SERINC5: variants seen among roughly 807,000 people sequenced by gnomAD.
The protein encoded by SERINC5 is chromosome 5 open reading frame 12.
In SERINC5, 41 loss-of-function variants were observed where a neutral mutation model predicts 63.1. The observed-to-expected ratio is 0.65, with a 90% CI of 0.51 to 0.84. The LOEUF (loss-of-function observed/expected upper bound fraction) is 0.84, where lower values mean the gene tolerates loss of function less well. Among genes scored for constraint, SERINC5 ranks in the 40% least tolerant of loss-of-function variants. SERINC5 has a pLI of 0.00. For synonymous variants in SERINC5, 222 were observed against 215.2 expected (o/e 1.03, Z -0.28); for missense variants, 523 against 573.0 (o/e 0.91, Z 0.89).
intron 2 of SERINC5, among the ~76,000 whole-genome samples, chr5:80,191,942 T>A (rs969737269): frequency 6.6e-6 from 1 of 152,168 alleles, no homozygotes; most frequent in Non-Finnish European, 1.5e-5. Flanking sequence ...ACATAACGCA[T>A]ATAAGACCAT....
chr5:80,199,685 T>A (rs925664966), intron 2 of SERINC5, among the ~76,000 whole-genome samples: 3 of 152,148 alleles, frequency 2.0e-5, no homozygotes, highest in South Asian at 4.1e-4. Flanking sequence ...CCCTCTAACG[T>A]CTCAATAAAT....
intron 2 of SERINC5, among the ~76,000 whole-genome samples, chr5:80,186,358 G>A (rs1748808221): frequency 1.3e-5 from 2 of 152,014 alleles, no homozygotes; most frequent in South Asian, 2.1e-4. Context: ...GGCTGGTCTC[G>A]AACTCCTGAC....
chr5:80,235,557 A>G (rs1285660802), intron 1 of SERINC5, among the ~76,000 whole-genome samples: 3 of 152,194 alleles, frequency 2.0e-5, no homozygotes, highest in South Asian at 2.1e-4. Context: ...AACTTTGCCA[A>G]TGAAAACTCT....
At chr5:80,157,102 C>CCAGCCT (rs1270633357) in intron 8 of SERINC5, 1 of 150,518 alleles carries the variant, frequency 6.6e-6, no homozygotes, top group Non-Finnish European at 1.5e-5. Flanking sequence ...AAGCAATTCT[C>CCAGCCT]CAGCCTCAGC....
At chr5:80,227,177 T>C (rs1449675501) in intron 1 of SERINC5, among the ~76,000 whole-genome samples, 1 of 152,166 alleles carries the variant, frequency 6.6e-6, no homozygotes, top group Non-Finnish European at 1.5e-5. Flanking sequence ...ATTACAGGCA[T>C]GAGCCACTGC....
intron 1 of SERINC5, among the ~76,000 whole-genome samples, chr5:80,236,889 G>C (rs936976997): frequency 2.0e-5 from 3 of 151,126 alleles, no homozygotes; most frequent in Admixed American, 1.3e-4. Flanking sequence ...TTGCTCTGTT[G>C]CCCAGGCTGG....
intron 11 of SERINC5, chr5:80,128,463 T>TA (rs1744825193): frequency 6.6e-6 from 1 of 152,088 alleles, no homozygotes; most frequent in Admixed American, 6.6e-5. Flanking sequence ...TCCTTACTGA[T>TA]ATAATGGTTA....
chr5:80,175,850 C>A (rs1201698888), intron 4 of SERINC5, among the ~76,000 whole-genome samples: 8 of 118,600 alleles, frequency 6.7e-5, no homozygotes, highest in Non-Finnish European at 1.1e-4. Flanking sequence ...GGTGACAGAG[C>A]GAGACTTGGT....
intron 11 of SERINC5, among the ~76,000 whole-genome samples, chr5:80,133,594 C>A (rs1457535513): frequency 6.6e-6 from 1 of 152,244 alleles, no homozygotes; most frequent in Non-Finnish European, 1.5e-5. Context: ...CTGTCTGAGT[C>A]AGTTAGCAGC....
chr5:80,119,164 T>C (rs1020377800), intron 11 of SERINC5, among the ~76,000 whole-genome samples: 6 of 152,132 alleles, frequency 3.9e-5, no homozygotes, highest in Non-Finnish European at 8.8e-5. Context: ...CCGGGGTTGT[T>C]TGAAAGAATT....
At chr5:80,166,507 G>A in intron 6 of SERINC5, 29 bp from the exon 7 acceptor site, 6 of 1,477,580 alleles carry the variant, frequency 4.1e-6, no homozygotes, top group Non-Finnish European at 5.6e-6. Flanking sequence ...CAGACAACAG[G>A]TTTTAATTTG....
Position 80,141,103 on chromosome 5 carries a change from CCATTAA to C in SERINC5, c.*2554_*2559del, listed in dbSNP as rs145211494. On this transcript the variant is annotated 3_prime_UTR_variant, in exon 12 of 12. Transcript: ENST00000507668. ...GAGTATTGTATATCACAATTAATAA[CCATTAA>C]CATTAACTCTGCATTGATAGTCCCT... is the stretch of plus-strand genomic sequence containing the variant. 47 of 985,350 alleles carry C rather than the reference CCATTAA, an allele frequency of 4.8e-5. No individual in the cohort carries two copies. The African/African-American group carries it at 5.8e-4, about 12-fold the overall frequency. The allele number at this position is 985,350 out of a possible 1,614,324, so 61.0% of individuals were successfully genotyped here. A position where few individuals can be genotyped will look rare whatever the true frequency, so the allele number is the denominator to read the frequency against.
At chr5:80,245,055 C>T (rs1752111122) in intron 1 of SERINC5, among the ~76,000 whole-genome samples, 2 of 152,160 alleles carry the variant, frequency 1.3e-5, no homozygotes, top group South Asian at 2.1e-4. Context: ...CACACCTCTC[C>T]CCACCCTCCA....
intron 2 of SERINC5, among the ~76,000 whole-genome samples, chr5:80,194,489 G>T (rs1332002841): frequency 2.6e-5 from 4 of 152,176 alleles, no homozygotes; most frequent in African/African-American, 9.7e-5. Context: ...TAAAAAGATG[G>T]TTATACCAAA....
At chr5:80,122,213 A>ATATATATATATATATATATAT (rs1554057292) in intron 11 of SERINC5, among the ~76,000 whole-genome samples, 12 of 107,352 alleles carry the variant, frequency 1.1e-4, no homozygotes, top group African/African-American at 4.1e-4. Flanking sequence ...ATATATATAT[A>ATATATATATATATATATATAT]ATATGAGTTT....
At chr5:80,220,370 T>C (rs1209105615) in intron 1 of SERINC5, among the ~76,000 whole-genome samples, 1 of 152,178 alleles carries the variant, frequency 6.6e-6, no homozygotes, top group Non-Finnish European at 1.5e-5. Context: ...TCATACACAA[T>C]GGACCTCAAT....
chr5:80,120,482 A>G (rs1304265364), intron 11 of SERINC5, among the ~76,000 whole-genome samples: 2 of 152,196 alleles, frequency 1.3e-5, no homozygotes, highest in Non-Finnish European at 2.9e-5. Flanking sequence ...CAAACGAGAA[A>G]TAAGCTCATA....
At chr5:80,248,857 T>C (rs894736782) in intron 1 of SERINC5, among the ~76,000 whole-genome samples, 3 of 152,140 alleles carry the variant, frequency 2.0e-5, no homozygotes, top group Admixed American at 2.0e-4. Flanking sequence ...TTAAAGAAAA[T>C]GTTGAAAATG....
intron 1 of SERINC5, among the ~76,000 whole-genome samples, chr5:80,216,800 C>A (rs985915425): frequency 6.6e-6 from 1 of 151,892 alleles, no homozygotes; most frequent in Non-Finnish European, 1.5e-5. Context: ...CGCTTGAGTC[C>A]AGGAGTTTGA....
Sources: gnomAD v4.1 joint callset for allele counts (sites outside exome capture counted in the v4.1 genomes callset) on GRCh38, gnomAD v4.1.1 for gene constraint, MANE v1.5 for transcripts, NCBI Gene and HGNC (gene_info 2026-07-23, HGNC 2026-07-21) for gene names.